Variants in CEP192 observed in about 807,000 individuals in gnomAD.
CEP192 encodes centrosomal protein 192, also known as centrosomal protein of 192 kDa.
CEP192 carries 151 observed loss-of-function variants against 271.8 expected under a neutral mutation model. That is an observed-to-expected ratio of 0.56 (90% CI 0.49 to 0.64). CEP192 has a LOEUF of 0.64. Ranked by LOEUF, CEP192 falls within the 30% of genes least tolerant of loss-of-function variation. The pLI is 0.00. For missense variants in CEP192, 2,910 were observed against 3,020.5 expected, an observed-to-expected ratio of 0.96 and a Z score of 0.86; for synonymous variants, 995 against 1,076.5, an observed-to-expected ratio of 0.92 and a Z score of 1.48.
intron 7 of CEP192, among the ~76,000 whole-genome samples, chr18:13,018,007 T>A (rs183936169): frequency 6.6e-6 from 1 of 152,238 alleles, no homozygotes; most frequent in East Asian, 1.9e-4. Flanking sequence ...CATAATCTGT[T>A]TTCTCTCCTG....
At chr18:13,053,694 G>GT (rs2036928296) in intron 18 of CEP192, among the ~76,000 whole-genome samples, 1 of 151,982 alleles carries the variant, frequency 6.6e-6, no homozygotes, top group African/African-American at 2.4e-5. Context: ...ATTTTGTTTT[G>GT]TTTTTGTATT....
chr18:13,057,419 G>A (rs1315720267), intron 19 of CEP192, among the ~76,000 whole-genome samples, 166 bp from the exon 20 acceptor site: 8 of 152,096 alleles, frequency 5.3e-5, no homozygotes, highest in Admixed American at 1.3e-4. Context: ...TTGTTGGCAG[G>A]CCTCTGAGGC....
chr18:13,121,010 A>C (rs1365274475), intron 44 of CEP192, among the ~76,000 whole-genome samples: 1 of 152,224 alleles, frequency 6.6e-6, no homozygotes, highest in Non-Finnish European at 1.5e-5. Context: ...GGCAGATACC[A>C]CAGGAACCCC....
At chr18:13,072,290 AAAAGTAGAGTT>A (rs1355538044) in intron 28 of CEP192, among the ~76,000 whole-genome samples, 1 of 152,176 alleles carries the variant, frequency 6.6e-6, no homozygotes, top group Non-Finnish European at 1.5e-5. Context: ...TAGCTTCTTT[AAAAGTAGAGTT>A]AATTCAATAT....
intron 28 of CEP192, 101 bp from the exon 29 acceptor site, chr18:13,072,654 C>A: frequency 2.6e-6 from 2 of 761,238 alleles, no homozygotes; most frequent in South Asian, 1.6e-5. Flanking sequence ...TATAGTTAGT[C>A]CATCTCTAGA....
chr18:13,040,736 A>C, intron 13 of CEP192, 94 bp from the exon 14 acceptor site: 1 of 974,274 alleles, frequency 1.0e-6, no homozygotes, highest in Non-Finnish European at 1.5e-6. Flanking sequence ...TTTTGATGTC[A>C]TTTAGCTGTT....
rs374135470 is a variant in CEP192 at position 13,031,286 on chromosome 18, C to T, written c.1534+678C>T. On this transcript the variant is annotated intron_variant, in intron 11 of 44. Coordinates refer to ENST00000506447, the MANE Select transcript of CEP192 (RefSeq NM_032142.4). ...TTTTTGAGACAGAGTCTCGCTCTGT[C>T]GCCCAGGCTGGAGTGCAGTGGCGGG... 3.2e-5 allele frequency among the ~76,000 whole-genome samples: 4 copies of T among 126,486 alleles called. No individual in the cohort carries two copies. The South Asian group carries it at 8.0e-4, about 25-fold the overall frequency. The allele number at this position is 126,486 out of a possible 152,430, so 83.0% of individuals were successfully genotyped here.
At chr18:13,037,146 C>T in intron 11 of CEP192, 91 bp from the exon 12 acceptor site, 2 of 647,672 alleles carry the variant, frequency 3.1e-6, no homozygotes, top group Non-Finnish European at 2.8e-6. Flanking sequence ...AACTTTATTT[C>T]CTTAGTATTT....
At chr18:13,000,090 T>G (rs1157597581) in intron 2 of CEP192, among the ~76,000 whole-genome samples, 1 of 90,214 alleles carries the variant, frequency 1.1e-5, no homozygotes, top group African/African-American at 6.1e-5. Flanking sequence ...TTGTCTTCTC[T>G]CTTTTTTTTT....
At chr18:13,105,106 G>C (rs2039889749) in intron 40 of CEP192, 27 bp downstream of exon 40, 1 of 1,502,636 alleles carries the variant, frequency 6.7e-7, no homozygotes, top group Non-Finnish European at 9.3e-7. Context: ...TTTTCCATAG[G>C]AACATCATGT....
chr18:13,081,160 G>A (rs531216924), intron 30 of CEP192, among the ~76,000 whole-genome samples: 3 of 152,328 alleles, frequency 2.0e-5, no homozygotes, highest in Non-Finnish European at 2.9e-5. Context: ...CATAAAAAAT[G>A]AGTTAGGGAG....
chr18:13,009,127 G>T (rs1446512003), intron 4 of CEP192, among the ~76,000 whole-genome samples: 1 of 151,722 alleles, frequency 6.6e-6, no homozygotes, highest in Non-Finnish European at 1.5e-5. Flanking sequence ...CGAGTAGCTG[G>T]GACTGGATGC....
At chr18:13,106,023 T>C (rs2039930374) in intron 40 of CEP192, among the ~76,000 whole-genome samples, 1 of 152,148 alleles carries the variant, frequency 6.6e-6, no homozygotes, top group Non-Finnish European at 1.5e-5. Context: ...CCTATCAAAC[T>C]GCCAACGTCA....
chr18:12,997,975 T>G (rs1267589945), intron 1 of CEP192, among the ~76,000 whole-genome samples: 1 of 152,214 alleles, frequency 6.6e-6, no homozygotes, highest in Non-Finnish European at 1.5e-5. Context: ...TTCGCCTGCC[T>G]CAGCCTCCCA....
chr18:13,109,498 TAACA>T (rs775252421), intron 40 of CEP192, among the ~76,000 whole-genome samples: 1 of 152,070 alleles, frequency 6.6e-6, no homozygotes, highest in Non-Finnish European at 1.5e-5. Flanking sequence ...TATACCCAGG[TAACA>T]AACCTGCGCA....
intron 44 of CEP192, among the ~76,000 whole-genome samples, chr18:13,123,632 C>G (rs138671524): frequency 2.0e-5 from 3 of 152,096 alleles, no homozygotes; most frequent in African/African-American, 7.2e-5. Flanking sequence ...CACTTAAAAA[C>G]GCCTAAGCCT....
In CEP192 at chr18:12,997,739, G is replaced by T. The variant is rs967069270; in HGVS notation, c.-4-1682G>T. ...AAACAAGTAAGTTCTTCTTATTTTT[G>T]GGGGGGATAGAGTCTCGCTCCATCA... On this transcript the variant is annotated intron_variant, in intron 1 of 44. Transcript: ENST00000506447. Among the ~76,000 whole-genome samples the T allele has an allele frequency of 3.3e-5, 5 of 151,936 alleles. No individual in the cohort carries two copies. The South Asian group carries it at 6.2e-4, about 19-fold the overall frequency.
chr18:13,064,279 C>A (rs1162744498), intron 21 of CEP192, among the ~76,000 whole-genome samples: 4 of 151,908 alleles, frequency 2.6e-5, no homozygotes, highest in African/African-American at 9.7e-5. Context: ...AAGGGACAGT[C>A]TTTTCCCAAG....
At chr18:13,103,367 A>T (rs1328124402) in intron 38 of CEP192, 142 bp from the exon 39 acceptor site, 1 of 639,926 alleles carries the variant, frequency 1.6e-6, no homozygotes, top group East Asian at 2.6e-5. Context: ...TAAAGAAAAT[A>T]CTGTGGTTCT....
Sources: gnomAD v4.1 joint callset for allele counts (sites outside exome capture counted in the v4.1 genomes callset) on GRCh38, gnomAD v4.1.1 for gene constraint, MANE v1.5 for transcripts, NCBI Gene and HGNC (gene_info 2026-07-23, HGNC 2026-07-21) for gene names.